Variants in NCK2 observed in about 807,000 individuals in gnomAD.
NCK2 encodes the protein cytoplasmic protein NCK2.
A neutral mutation model predicts 33.9 loss-of-function variants in NCK2; 16 were observed. The ratio of observed to expected loss-of-function variants is 0.47; its 90% CI spans 0.32 to 0.72. The LOEUF (loss-of-function observed/expected upper bound fraction) is 0.72, where lower values mean the gene tolerates loss of function less well. Among genes scored for constraint, NCK2 ranks in the 30% least tolerant of loss-of-function variants. The probability of loss-of-function intolerance (pLI) is 0.03; values close to 1 mark genes in which losing one functional copy is unlikely to be tolerated. For synonymous variants in NCK2, 273 were observed against 239.9 expected (o/e 1.14, Z -1.27); for missense variants, 418 against 537.3 (o/e 0.78, Z 2.19).
intron 1 of NCK2, among the ~76,000 whole-genome samples, chr2:105,772,889 G>A (rs1410603119): frequency 3.7e-5 from 4 of 106,878 alleles, no homozygotes; most frequent in Non-Finnish European, 5.4e-5. Context: ...CATCCCACGT[G>A]TCCACATTTT....
At chr2:105,767,859 G>A (rs1689997095) in intron 1 of NCK2, among the ~76,000 whole-genome samples, 1 of 152,182 alleles carries the variant, frequency 6.6e-6, no homozygotes, top group African/African-American at 2.4e-5. Flanking sequence ...GTGGTTCCCA[G>A]CACTTAATAT....
At chr2:105,785,124 G>A (rs1210729133) in intron 1 of NCK2, among the ~76,000 whole-genome samples, 1 of 152,128 alleles carries the variant, frequency 6.6e-6, no homozygotes, top group Non-Finnish European at 1.5e-5. Flanking sequence ...GACTACAGGC[G>A]CCGGCCACCA....
intron 3 of NCK2, among the ~76,000 whole-genome samples, chr2:105,869,268 TC>T (rs1238807449): frequency 1.3e-5 from 2 of 152,074 alleles, no homozygotes; most frequent in South Asian, 4.1e-4. Context: ...CCTGCATGTG[TC>T]CCTAGCCATA....
At chr2:105,764,094 A>G (rs1405584166) in intron 1 of NCK2, among the ~76,000 whole-genome samples, 2 of 152,212 alleles carry the variant, frequency 1.3e-5, no homozygotes. Context: ...GAAGCTAAGC[A>G]ATTTGTCCGA....
intron 1 of NCK2, among the ~76,000 whole-genome samples, chr2:105,785,912 C>T (rs1371531132): frequency 1.3e-5 from 2 of 152,126 alleles, no homozygotes; most frequent in Non-Finnish European, 2.9e-5. Flanking sequence ...AGATGATGGT[C>T]CAGGGAGGCC....
chr2:105,870,124 G>A (rs145891141), intron 3 of NCK2, among the ~76,000 whole-genome samples: 8 of 152,302 alleles, frequency 5.3e-5, no homozygotes, highest in Non-Finnish European at 7.4e-5. Context: ...GACTACCTGC[G>A]CATAGAGATG....
chr2:105,746,307 A>G (rs776492005), intron 1 of NCK2, among the ~76,000 whole-genome samples: 8 of 152,172 alleles, frequency 5.3e-5, no homozygotes, highest in Non-Finnish European at 1.0e-4. Context: ...CAACCCTGAG[A>G]GGCCGGTGGG....
At chr2:105,754,995 C>T (rs962573080) in intron 1 of NCK2, among the ~76,000 whole-genome samples, 1 of 151,978 alleles carries the variant, frequency 6.6e-6, no homozygotes, top group African/African-American at 2.4e-5. Context: ...GTGTGACTCC[C>T]CTCACCCCGT....
intron 1 of NCK2, among the ~76,000 whole-genome samples, chr2:105,750,876 G>A (rs1428533307): frequency 6.6e-6 from 1 of 152,212 alleles, no homozygotes; most frequent in Admixed American, 6.5e-5. Context: ...AGCCAGGGTG[G>A]AGAGGCCGTC....
intron 1 of NCK2, among the ~76,000 whole-genome samples, chr2:105,801,168 C>T (rs1407141614): frequency 6.6e-6 from 1 of 152,114 alleles, no homozygotes; most frequent in Non-Finnish European, 1.5e-5. Context: ...GTGAGTGTCC[C>T]ATAAATCTGT....
At chr2:105,769,009 C>A (rs1690038923) in intron 1 of NCK2, among the ~76,000 whole-genome samples, 1 of 151,916 alleles carries the variant, frequency 6.6e-6, no homozygotes, top group Admixed American at 6.6e-5. Flanking sequence ...CAGAAAGTTC[C>A]CACTCTCTAA....
intron 1 of NCK2, among the ~76,000 whole-genome samples, chr2:105,798,190 T>A (rs562217448): frequency 6.6e-6 from 1 of 152,344 alleles, no homozygotes; most frequent in Admixed American, 6.5e-5. Flanking sequence ...TTTCTTCTGA[T>A]ATGATGATTT....
At chr2:105,793,125 C>T (rs1244779595) in intron 1 of NCK2, among the ~76,000 whole-genome samples, 1 of 152,116 alleles carries the variant, frequency 6.6e-6, no homozygotes, top group Non-Finnish European at 1.5e-5. Context: ...CGCAAATTGG[C>T]TTCTCAGTCC....
chr2:105,847,536 C>A (rs2104565062), intron 2 of NCK2, among the ~76,000 whole-genome samples: 1 of 151,902 alleles, frequency 6.6e-6, no homozygotes, highest in South Asian at 2.1e-4. Flanking sequence ...GAACTGGCCT[C>A]CCTAGAAGTA....
At chr2:105,807,840 TCCCTCC>T (rs1675137243) in intron 1 of NCK2, among the ~76,000 whole-genome samples, 7 of 7,530 alleles carry the variant, frequency 9.3e-4, no homozygotes, top group African/African-American at 4.1e-3. Flanking sequence ...CTTCTATCTC[TCCCTCC>T]CTCCCTCCCT....
At chr2:105,841,640 T>C (rs1309025120) in intron 2 of NCK2, among the ~76,000 whole-genome samples, 1 of 151,842 alleles carries the variant, frequency 6.6e-6, no homozygotes, top group South Asian at 2.1e-4. Context: ...GAGGGTGGGG[T>C]TGAAAGTCCC....
At chr2:105,771,248 A>G (rs1020772903) in intron 1 of NCK2, among the ~76,000 whole-genome samples, 23 of 151,548 alleles carry the variant, frequency 1.5e-4, no homozygotes, top group African/African-American at 4.6e-4. Context: ...ATCCCCTTTT[A>G]TATTTTCCAT....
chr2:105,889,087 A>G (rs1678852119), intron 4 of NCK2, among the ~76,000 whole-genome samples: 2 of 152,200 alleles, frequency 1.3e-5, no homozygotes, highest in South Asian at 2.1e-4. Flanking sequence ...AATAGGACTG[A>G]TGGAGTTGCT....
rs528205879 is a variant in NCK2 at position 105,765,141 on chromosome 2, C to T, written c.-201+20003C>T. Among the ~76,000 whole-genome samples the T allele has an allele frequency of 1.2e-3, 176 of 152,110 alleles. 1 individual carries two copies. Among genetic ancestry groups the T allele is most frequent in the African/African-American group, 4.1e-3 (171 of 41,490 alleles). ...CCTTACAAAGGGTTATGCCAGTTTT[C>T]AGTAGTGTGGAAGTATCAATTTCAC... is the stretch of plus-strand genomic sequence containing the variant. On this transcript the variant is annotated intron_variant, in intron 1 of 4. Transcript: ENST00000233154.
Sources: allele counts gnomAD v4.1 joint callset (sites outside exome capture counted in the v4.1 genomes callset), GRCh38; gene constraint gnomAD v4.1.1; transcripts MANE v1.5; gene names NCBI Gene and HGNC (gene_info 2026-07-23, HGNC 2026-07-21).